The following EDARADD variants were observed in gnomAD, a reference collection of about 807,000 sequenced individuals.
The protein encoded by EDARADD is EDAR associated via death domain.
In EDARADD, 20 loss-of-function variants were observed where a neutral mutation model predicts 25.6. The observed-to-expected ratio is 0.78, with a 90% CI of 0.55 to 1.14. The LOEUF (loss-of-function observed/expected upper bound fraction) is 1.14, where lower values mean the gene tolerates loss of function less well. EDARADD is among the 50% of genes most tolerant of loss of function. EDARADD has a pLI of 0.00. For missense variants in EDARADD, 225 were observed against 270.1 expected (o/e 0.83, Z 1.17); for synonymous variants, 86 against 94.4 (o/e 0.91, Z 0.52).
intron 5 of EDARADD, among the ~76,000 whole-genome samples, chr1:236,475,400 C>T (rs1203275226): frequency 6.6e-6 from 1 of 152,170 alleles, no homozygotes; most frequent in African/African-American, 2.4e-5. Context: ...TAAAAGGCAA[C>T]TATAGATTCA....
At chr1:236,405,804 C>CCT (rs1667709587) in intron 1 of EDARADD, among the ~76,000 whole-genome samples, 1 of 115,016 alleles carries the variant, frequency 8.7e-6, no homozygotes, top group Non-Finnish European at 1.8e-5. Flanking sequence ...CTTTTTCTTT[C>CCT]TTTCTTTCCT....
intron 1 of EDARADD, among the ~76,000 whole-genome samples, chr1:236,405,878 T>A (rs4659451): frequency 3.3e-5 from 1 of 29,904 alleles, no homozygotes; most frequent in East Asian, 1.3e-3. Context: ...TCCTTCCTTC[T>A]TTCTTTCTTT....
At chr1:236,380,329 T>A (rs986220971) in intron 3 of EDARADD, among the ~76,000 whole-genome samples, 6 of 152,342 alleles carry the variant, frequency 3.9e-5, no homozygotes, top group African/African-American at 1.2e-4. Context: ...TACTTTCATT[T>A]TTTTTAAAGG....
chr1:236,363,750 C>G (rs1169034789), intron 3 of EDARADD, among the ~76,000 whole-genome samples: 1 of 151,992 alleles, frequency 6.6e-6, no homozygotes, highest in East Asian at 1.9e-4. Context: ...GATCCAGCTC[C>G]CCTTTTGCCT....
intron 4 of EDARADD, among the ~76,000 whole-genome samples, 158 bp from the exon 5 acceptor site, chr1:236,468,073 G>A (rs944718430): frequency 4.6e-5 from 7 of 152,122 alleles, no homozygotes; most frequent in African/African-American, 1.7e-4. Context: ...GGGAGATGCT[G>A]AGTTCACCTC....
upstream of EDARADD, among the ~76,000 whole-genome samples, chr1:236,389,762 G>T (rs1176269609): frequency 6.6e-6 from 1 of 152,166 alleles, no homozygotes; most frequent in South Asian, 2.1e-4. Context: ...CAGTACTTTA[G>T]AGGCCAAGGC....
chr1:236,472,850 G>A (rs1281221977), intron 5 of EDARADD, among the ~76,000 whole-genome samples: 2 of 152,134 alleles, frequency 1.3e-5, no homozygotes, highest in South Asian at 2.1e-4. Flanking sequence ...TCTGCATGGG[G>A]TTAGCTGCTG....
chr1:236,405,820 CCTTTCCTTCCTT>C (rs1558112634), intron 1 of EDARADD, among the ~76,000 whole-genome samples: 2 of 100,920 alleles, frequency 2.0e-5, no homozygotes, highest in Non-Finnish European at 3.7e-5. Context: ...TTCCTTCCTT[CCTTTCCTTCCTT>C]CCTTCCTTCC....
Position 236,394,401 on chromosome 1 carries a change from C to T in EDARADD, c.-44C>T. 6.2e-7 allele frequency: 1 copy of T among 1,607,258 alleles called. No individual in the cohort carries two copies. Among genetic ancestry groups the T allele is most frequent in the East Asian group, 2.2e-5 (1 of 44,840 alleles). ...TCTTCTCGCAATCTGTTGCTTCTTC[C>T]ATGGCAAACTCCAGAGAATTAAGAA... On this transcript the variant is annotated 5_prime_UTR_variant, in exon 1 of 6. Coordinates refer to ENST00000334232, the MANE Select transcript of EDARADD (RefSeq NM_145861.4).
chr1:236,396,499 A>G (rs1294989814), intron 1 of EDARADD, among the ~76,000 whole-genome samples: 1 of 152,168 alleles, frequency 6.6e-6, no homozygotes, highest in Non-Finnish European at 1.5e-5. Context: ...AACCGTTTAG[A>G]TAAACGCGTT....
intron 3 of EDARADD, among the ~76,000 whole-genome samples, chr1:236,418,758 G>A (rs975560766): frequency 6.6e-6 from 1 of 152,192 alleles, no homozygotes; most frequent in Admixed American, 6.5e-5. Flanking sequence ...CCAATATGTT[G>A]TATTTGATAT....
At chr1:236,446,051 T>C (rs1658528335) in intron 4 of EDARADD, among the ~76,000 whole-genome samples, 1 of 152,206 alleles carries the variant, frequency 6.6e-6, no homozygotes, top group African/African-American at 2.4e-5. Context: ...ATGGCACTTA[T>C]ACTTTGAAAG....
In EDARADD at chr1:236,484,552, C is replaced by T. The variant is rs960571702; in HGVS notation, c.*1903C>T. 2.0e-5 allele frequency: 23 copies of T among 1,153,016 alleles called. No individual in the cohort carries two copies. In the African/African-American group the frequency reaches 2.1e-4, roughly 11 times the overall value. 71.4% of individuals were successfully genotyped at this position (1,153,016 alleles called of 1,614,324 possible). A position where few individuals can be genotyped will look rare whatever the true frequency, so the allele number is the denominator to read the frequency against. ...GTCAACTCCGGCAGCTCAAGACCCC[C>T]GAGCAACATTTGTAGGGGCCGCTGC... On this transcript the variant is annotated 3_prime_UTR_variant, in exon 6 of 6. Coordinates refer to ENST00000334232, the MANE Select transcript of EDARADD (RefSeq NM_145861.4). This position sits in a 1 kb window ranked among gnomAD's most constrained non-coding sequence, Gnocchi z 4.1.
intron 1 of EDARADD, among the ~76,000 whole-genome samples, chr1:236,403,326 C>T (rs546768720): frequency 3.1e-4 from 46 of 149,614 alleles, no homozygotes; most frequent in African/African-American, 7.9e-4. Context: ...CTCGCTCTGT[C>T]GACCAGGCTG....
At chr1:236,403,381 G>C (rs890572386) in intron 1 of EDARADD, among the ~76,000 whole-genome samples, 13 of 152,020 alleles carry the variant, frequency 8.6e-5, no homozygotes, top group African/African-American at 2.9e-4. Flanking sequence ...TCCGCCTTCC[G>C]GGCTCACACC....
At position 236,483,589 on chromosome 1, in the gene EDARADD, A is replaced by C. The variant is rs368740808; in HGVS notation, c.*940A>C. On this transcript the variant is annotated 3_prime_UTR_variant, in exon 6 of 6. Coordinates refer to ENST00000334232, the MANE Select transcript of EDARADD (RefSeq NM_145861.4). ...ATCGCCGACTTGTCTGGCAACTCCAAAGTCATCTTGCCAGTCCCGGTGTTC... is the reference window on the plus strand; with the variant it reads ...ATCGCCGACTTGTCTGGCAACTCCACAGTCATCTTGCCAGTCCCGGTGTTC... The C allele has an allele frequency of 6.8e-7, 1 of 1,467,040 alleles. No homozygotes were observed. Among genetic ancestry groups the C allele is most frequent in the Admixed American group, 1.7e-5 (1 of 59,554 alleles). The allele number at this position is 1,467,040 out of a possible 1,614,324, so 90.9% of individuals were successfully genotyped here.
chr1:236,401,597 T>C (rs1667612365), intron 1 of EDARADD, among the ~76,000 whole-genome samples: 1 of 152,156 alleles, frequency 6.6e-6, no homozygotes, highest in Admixed American at 6.6e-5. Flanking sequence ...GATTTGAGTC[T>C]TTGAGTTGAA....
At chr1:236,399,228 C>A (rs1021200635) in intron 1 of EDARADD, among the ~76,000 whole-genome samples, 6 of 152,130 alleles carry the variant, frequency 3.9e-5, no homozygotes, top group Non-Finnish European at 8.8e-5. Flanking sequence ...GTTGCCCAGG[C>A]TGGAGTGCAA....
At chr1:236,369,511 G>GT (rs1667151644) in intron 3 of EDARADD, among the ~76,000 whole-genome samples, 1 of 152,136 alleles carries the variant, frequency 6.6e-6, no homozygotes. Flanking sequence ...TTTATCCATT[G>GT]TTTTTTGTAT....
Sources: gnomAD v4.1 joint callset for allele counts (sites outside exome capture counted in the v4.1 genomes callset) on GRCh38, gnomAD v4.1.1 for gene constraint, Gnocchi (gnomAD v3.1) non-coding constraint, MANE v1.5 for transcripts, NCBI Gene and HGNC (gene_info 2026-07-23, HGNC 2026-07-21) for gene names.